Variants in ESR1 observed in about 807,000 individuals in gnomAD.
ESR1 encodes estrogen receptor.
A neutral mutation model predicts 52.7 loss-of-function variants in ESR1; 12 were observed. The ratio of observed to expected loss-of-function variants is 0.23; its 90% CI spans 0.15 to 0.37. The LOEUF (loss-of-function observed/expected upper bound fraction) is 0.37, where lower values mean the gene tolerates loss of function less well. Ranked by LOEUF, ESR1 falls within the 10% of genes least tolerant of loss-of-function variation. The probability of loss-of-function intolerance (pLI) is 1.00; values close to 1 mark genes in which losing one functional copy is unlikely to be tolerated. For missense variants in ESR1, 584 were observed against 779.7 expected (o/e 0.75, Z 2.99); for synonymous variants, 305 against 316.8 (o/e 0.96, Z 0.39).
exon 7 of ESR1, chr6:152,128,604 C>T (rs553996588): frequency 3.9e-5 from 6 of 152,336 alleles, no homozygotes; most frequent in Non-Finnish European, 7.3e-5. Flanking sequence ...CTCCTCCCTT[C>T]AAACTAATAG....
rs1233328118 is a variant in ESR1, at chr6:151,935,029, G to T, written c.761-9144G>T. Among the ~76,000 whole-genome samples the T allele has an allele frequency of 2.0e-5, 3 of 152,182 alleles. No homozygotes were observed. The East Asian group carries it at 5.8e-4, about 29-fold the overall frequency. On this transcript the variant is annotated intron_variant, in intron 3 of 7. Coordinates refer to ENST00000206249, the MANE Select transcript of ESR1 (RefSeq NM_000125.4). ...TATGCCATGGTAATTAAAATTATGG[G>T]CTCTGAAATCAGCCTGCCTGGGTTC...
intron 2 of ESR1, among the ~76,000 whole-genome samples, chr6:151,743,548 A>G (rs1448545503): frequency 2.0e-5 from 3 of 152,192 alleles, no homozygotes; most frequent in African/African-American, 7.2e-5. Flanking sequence ...TTAGTATCCT[A>G]AAACTGAGTT....
intron 2 of ESR1, among the ~76,000 whole-genome samples, chr6:151,709,679 T>C (rs1281915485): frequency 1.3e-5 from 2 of 152,224 alleles, no homozygotes; most frequent in Middle Eastern, 3.4e-3. Flanking sequence ...ATGATATCTC[T>C]TTGTGGTTTT....
At chr6:151,859,149 C>T (rs1351472784) in intron 2 of ESR1, among the ~76,000 whole-genome samples, 3 of 151,852 alleles carry the variant, frequency 2.0e-5, no homozygotes, top group African/African-American at 4.8e-5. Context: ...TTTTTCATGT[C>T]TTGTATGCAA....
chr6:151,850,074 A>AC lies in ESR1; in HGVS notation c.643+7287_643+7288insC, dbSNP rs1491141686. 5.2e-5 allele frequency among the ~76,000 whole-genome samples: 4 copies of AC among 76,680 alleles called. No homozygotes were observed. The East Asian group carries it at 1.7e-3, about 32-fold the overall frequency. 50.3% of individuals were successfully genotyped at this position (76,680 alleles called of 152,430 possible). ...TATATATATAATTTTATATATATATAAAAAATTATATATATATAATTTTAT... is the reference window on the plus strand; with the variant it reads ...TATATATATAATTTTATATATATATACAAAAATTATATATATATAATTTTAT... On this transcript the variant is annotated intron_variant, in intron 2 of 7. Coordinates refer to ENST00000206249, the MANE Select transcript of ESR1 (RefSeq NM_000125.4).
At chr6:151,818,186 C>A (rs1056709607) in intron 1 of ESR1, among the ~76,000 whole-genome samples, 1 of 152,186 alleles carries the variant, frequency 6.6e-6, no homozygotes, top group Non-Finnish European at 1.5e-5. Flanking sequence ...CCCATGGTGT[C>A]TGGTCCTCAG....
chr6:151,675,015 A>G (rs1484664864), intron 1 of ESR1, among the ~76,000 whole-genome samples: 3 of 152,230 alleles, frequency 2.0e-5, no homozygotes, highest in African/African-American at 7.2e-5. Context: ...GTTTATGAAA[A>G]TAAATGTTTT....
upstream of ESR1, among the ~76,000 whole-genome samples, chr6:151,801,108 A>G (rs1777202313): frequency 6.7e-6 from 1 of 149,094 alleles, no homozygotes. Flanking sequence ...ATTAGATAGG[A>G]CTATCTGAAT....
intron 2 of ESR1, among the ~76,000 whole-genome samples, chr6:151,762,807 T>G (rs1046717034): frequency 6.6e-6 from 1 of 151,960 alleles, no homozygotes; most frequent in Non-Finnish European, 1.5e-5. Flanking sequence ...CTACTAAAAC[T>G]GTAAAAATTA....
chr6:151,965,231 G>GTATA (rs138554820), intron 4 of ESR1, among the ~76,000 whole-genome samples: 2 of 151,374 alleles, frequency 1.3e-5, no homozygotes. Flanking sequence ...CCAAACCATA[G>GTATA]TATATATATA....
intron 4 of ESR1, among the ~76,000 whole-genome samples, chr6:151,952,123 G>A (rs1026566390): frequency 6.6e-6 from 1 of 152,192 alleles, no homozygotes; most frequent in Admixed American, 6.5e-5. Context: ...AAAGGTTCAG[G>A]TGGACATGAA....
intron 4 of ESR1, among the ~76,000 whole-genome samples, chr6:152,004,486 C>T (rs17082000): frequency 0.031 from 4,737 of 151,848 alleles, 200 homozygotes; most frequent in African/African-American, 0.099. Context: ...TAGTTTATAC[C>T]TCATGTATGC....
At position 152,061,192 on chromosome 6, in the gene ESR1, G is replaced by A. The variant is rs1251569033; in HGVS notation, c.1369+68G>A. ...TTATTTGTAGTTTTCAACCAGATACGATCTACCCACTCCAAAGGCATAATG... is the reference window on the plus strand; with the variant it reads ...TTATTTGTAGTTTTCAACCAGATACAATCTACCCACTCCAAAGGCATAATG... On this transcript the variant is annotated intron_variant, in intron 6 of 7. Coordinates refer to ENST00000206249, the MANE Select transcript of ESR1 (RefSeq NM_000125.4). The surrounding 1 kb of genome is among the most constrained non-coding windows in gnomAD (Gnocchi z 4.3). The A allele has an allele frequency of 1.4e-6, 2 of 1,468,410 alleles. No individual in the cohort carries two copies. Among genetic ancestry groups the A allele is most frequent in the African/African-American group, 1.4e-5 (1 of 71,832 alleles). 91.0% of individuals were successfully genotyped at this position (1,468,410 alleles called of 1,614,324 possible).
chr6:151,814,768 A>G (rs568403707), intron 1 of ESR1, among the ~76,000 whole-genome samples: 2 of 152,338 alleles, frequency 1.3e-5, no homozygotes, highest in South Asian at 4.1e-4. Flanking sequence ...CTTAGACTAT[A>G]TAAAGTGTGG....
chr6:151,868,904 G>A (rs1279208666), intron 2 of ESR1, among the ~76,000 whole-genome samples: 4 of 152,104 alleles, frequency 2.6e-5, no homozygotes, highest in Non-Finnish European at 5.9e-5. Flanking sequence ...GCACTTAGAG[G>A]GTCGAAAGTG....
intron 2 of ESR1, among the ~76,000 whole-genome samples, chr6:151,779,491 A>G (rs1008576608): frequency 7.9e-5 from 12 of 152,224 alleles, no homozygotes; most frequent in Non-Finnish European, 1.5e-4. Flanking sequence ...ATCTCACACT[A>G]GTCAGAATGG....
intron 6 of ESR1, among the ~76,000 whole-genome samples, chr6:152,091,593 C>T (rs35246806): frequency 3.3e-5 from 5 of 152,260 alleles, no homozygotes; most frequent in Non-Finnish European, 5.9e-5. Flanking sequence ...GGAACCCACA[C>T]GCACCTTAAG....
chr6:151,927,614 G>A lies in ESR1; in HGVS notation c.761-16559G>A, dbSNP rs142155597. Reference sequence around the variant, plus strand: ...CCATTTCATCCAAATTATCAAATTCGTGAGCATAGAGTTGTTCATAATATT... The same window carrying A: ...CCATTTCATCCAAATTATCAAATTCATGAGCATAGAGTTGTTCATAATATT... On this transcript the variant is annotated intron_variant, in intron 3 of 7. Coordinates refer to ENST00000206249, the MANE Select transcript of ESR1 (RefSeq NM_000125.4). 7.1e-3 allele frequency among the ~76,000 whole-genome samples: 1,073 copies of A among 152,178 alleles called. 18 individuals are homozygous for A. The highest frequency in any genetic ancestry group is 0.024 in the African/African-American group (982 of 41,522).
At chr6:151,695,296 G>T (rs575856798) in intron 1 of ESR1, among the ~76,000 whole-genome samples, 79 of 152,266 alleles carry the variant, frequency 5.2e-4, no homozygotes, top group South Asian at 4.1e-4. Flanking sequence ...TACTAAGAAT[G>T]GATATAACAT....
Sources: gnomAD v4.1 joint callset for allele counts (sites outside exome capture counted in the v4.1 genomes callset) on GRCh38, gnomAD v4.1.1 for gene constraint, Gnocchi (gnomAD v3.1) non-coding constraint, MANE v1.5 for transcripts, NCBI Gene and HGNC (gene_info 2026-07-23, HGNC 2026-07-21) for gene names.